MDFIC2: variants seen among roughly 807,000 people sequenced by gnomAD.
MDFIC2 encodes myoD family inhibitor domain-containing protein 2.
chr3:70,197,310 A>G (rs1362076268), intron 3 of MDFIC2, 125 bp from the exon 4 acceptor site: 2 of 396,888 alleles, frequency 5.0e-6, no homozygotes, highest in Middle Eastern at 6.3e-4. Flanking sequence ...CATTAGGGGT[A>G]ATGTACACCC....
chr3:70,245,100 C>T (rs143670243), intron 2 of MDFIC2, among the ~76,000 whole-genome samples: 2 of 152,150 alleles, frequency 1.3e-5, no homozygotes, highest in South Asian at 2.1e-4. Flanking sequence ...TACTAGAAAC[C>T]TAAGCTCATT....
At chr3:70,210,172 CTT>C (rs920299107) in intron 2 of MDFIC2, among the ~76,000 whole-genome samples, 2 of 152,010 alleles carry the variant, frequency 1.3e-5, no homozygotes, top group Non-Finnish European at 2.9e-5. Flanking sequence ...ATATGATTCT[CTT>C]TTTAATTTTG....
intron 2 of MDFIC2, among the ~76,000 whole-genome samples, chr3:70,229,010 ATGGG>A (rs1701534880): frequency 6.6e-6 from 1 of 152,200 alleles, no homozygotes; most frequent in African/African-American, 2.4e-5. Context: ...ACAGAGGCTA[ATGGG>A]ATACCAATGC....
chr3:70,218,455 G>T (rs574451755), intron 2 of MDFIC2, among the ~76,000 whole-genome samples: 2 of 152,056 alleles, frequency 1.3e-5, no homozygotes, highest in Non-Finnish European at 2.9e-5. Context: ...ATAGACTGAG[G>T]TCAGTACTCT....
chr3:70,270,848 C>A (rs1701969235), intron 2 of MDFIC2, among the ~76,000 whole-genome samples: 1 of 151,962 alleles, frequency 6.6e-6, no homozygotes, highest in South Asian at 2.1e-4. Flanking sequence ...AACACATGGA[C>A]ACAGGGAGGG....
chr3:70,290,175 C>T (rs979063648), intron 2 of MDFIC2, among the ~76,000 whole-genome samples: 1 of 152,080 alleles, frequency 6.6e-6, no homozygotes. Context: ...TCTGTTTTTT[C>T]CCCATCTTTG....
At chr3:70,227,119 T>A in intron 2 of MDFIC2, among the ~76,000 whole-genome samples, 1 of 152,174 alleles carries the variant, frequency 6.6e-6, no homozygotes, top group East Asian at 1.9e-4. Flanking sequence ...TTAACTCCTG[T>A]GTAAGATACT....
chr3:70,292,561 C>G (rs917240803), intron 2 of MDFIC2, among the ~76,000 whole-genome samples: 8 of 152,106 alleles, frequency 5.3e-5, no homozygotes, highest in Non-Finnish European at 7.4e-5. Context: ...AGTTTATAAA[C>G]TTGTAAGTAT....
chr3:70,282,376 C>G (rs1387135227), intron 2 of MDFIC2, among the ~76,000 whole-genome samples: 1 of 152,128 alleles, frequency 6.6e-6, no homozygotes, highest in African/African-American at 2.4e-5. Context: ...TTAAACCTAC[C>G]ACTTAAACTT....
At chr3:70,255,192 A>C (rs1701803783) in intron 2 of MDFIC2, among the ~76,000 whole-genome samples, 1 of 152,248 alleles carries the variant, frequency 6.6e-6, no homozygotes, top group South Asian at 2.1e-4. Context: ...GTCTAAAAAA[A>C]GAAAAGTAAA....
intron 2 of MDFIC2, among the ~76,000 whole-genome samples, chr3:70,214,824 G>A (rs979204989): frequency 6.6e-6 from 1 of 151,906 alleles, no homozygotes; most frequent in Non-Finnish European, 1.5e-5. Flanking sequence ...TTTTTATGCA[G>A]TTACCTTCAG....
intron 2 of MDFIC2, among the ~76,000 whole-genome samples, chr3:70,269,466 A>G (rs1412037590): frequency 1.3e-5 from 2 of 152,178 alleles, no homozygotes; most frequent in African/African-American, 4.8e-5. Flanking sequence ...GCAAATGCTG[A>G]ACTCTAACCA....
At chr3:70,231,989 T>C (rs11707565) in intron 2 of MDFIC2, among the ~76,000 whole-genome samples, 51,901 of 152,098 alleles carry the variant, frequency 0.34, 11,465 homozygotes, top group Non-Finnish European at 0.47. Context: ...AGCGTTATTG[T>C]CTGCTCCTTC....
rs79978474 is a variant in MDFIC2, at chr3:70,221,493, C to T, written c.89-14703G>A. On this transcript the variant is annotated intron_variant, in intron 2 of 3. Transcript: ENST00000567252. ...TTCTACAGCCTTTCCTCTTAACCAC[C>T]GTGATATATGCAGGAGATACAAAGA... Among the ~76,000 whole-genome samples the T allele has an allele frequency of 2.2e-3, 331 of 152,160 alleles. 1 individual carries two copies. Among genetic ancestry groups the T allele is most frequent in the African/African-American group, 7.7e-3 (321 of 41,528 alleles).
chr3:70,225,855 G>C (rs1575601398), intron 2 of MDFIC2, among the ~76,000 whole-genome samples: 1 of 152,262 alleles, frequency 6.6e-6, no homozygotes, highest in East Asian at 1.9e-4. Context: ...TTAGACAAAC[G>C]TTGCTAGTGG....
chr3:70,292,114 A>G (rs1329249134), intron 2 of MDFIC2: 1 of 152,134 alleles, frequency 6.6e-6, no homozygotes, highest in Non-Finnish European at 1.5e-5. Context: ...CTCCTGTTGT[A>G]CTGGTAGCTC....
chr3:70,254,070 G>A lies in MDFIC2; in HGVS notation c.89-47280C>T, dbSNP rs142947240. Among the ~76,000 whole-genome samples the A allele has an allele frequency of 5.5e-4, 84 of 152,012 alleles. 1 individual carries two copies. The highest frequency in any genetic ancestry group is 3.4e-3 in the Middle Eastern group (1 of 294). Reference sequence around the variant, plus strand: ...GATTCAGATAACAGTTATTTAGTAGGCATATTTATATTTTTAATATTCTTT... The same window carrying A: ...GATTCAGATAACAGTTATTTAGTAGACATATTTATATTTTTAATATTCTTT... On this transcript the variant is annotated intron_variant, in intron 2 of 3. Transcript: ENST00000567252.
At chr3:70,211,439 C>T (rs201049593) in intron 2 of MDFIC2, among the ~76,000 whole-genome samples, 3 of 19,184 alleles carry the variant, frequency 1.6e-4, no homozygotes, top group Admixed American at 1.5e-3. Flanking sequence ...CCCTTCCCTT[C>T]CCTTCCTTTC....
At chr3:70,236,149 C>T (rs1701606548) in intron 2 of MDFIC2, among the ~76,000 whole-genome samples, 1 of 152,162 alleles carries the variant, frequency 6.6e-6, no homozygotes, top group African/African-American at 2.4e-5. Context: ...CTTATTCATT[C>T]TTCAACTCTC....
Sources: allele counts gnomAD v4.1 joint callset (sites outside exome capture counted in the v4.1 genomes callset), GRCh38; gene constraint gnomAD v4.1.1; transcripts MANE v1.5; gene names NCBI Gene and HGNC (gene_info 2026-07-23, HGNC 2026-07-21).